ZNF782: variants seen among roughly 807,000 people sequenced by gnomAD.
ZNF782 encodes zinc finger protein 782.
Under a neutral mutation model 13.0 loss-of-function variants are expected in ZNF782, and 12 were observed. The ratio of observed to expected loss-of-function variants is 0.92; its 90% confidence interval spans 0.59 to 1.50. The LOEUF (loss-of-function observed/expected upper bound fraction) is 1.50. Among genes scored for constraint, ZNF782 ranks in the 40% most tolerant of loss-of-function variants. The pLI, the probability that ZNF782 is intolerant of heterozygous loss-of-function variation, is 0.00. For missense variants in ZNF782, 770 were observed against 822.9 expected (o/e 0.94, Z 0.79); for synonymous variants, 284 against 283.0 (o/e 1.00, Z -0.04).
the ZNF782 span, among the ~76,000 whole-genome samples, chr9:96,927,560 T>C: frequency 6.6e-6 from 1 of 152,210 alleles, no homozygotes; most frequent in South Asian, 2.1e-4. Context: ...ACTGCAAGTT[T>C]GCACTCTCAC....
At chr9:96,872,074 C>A (rs1338746172) in intron 1 of ZNF782, among the ~76,000 whole-genome samples, 1 of 152,128 alleles carries the variant, frequency 6.6e-6, no homozygotes, top group African/African-American at 2.4e-5. Flanking sequence ...TGTCCATAAA[C>A]CTTAGGAACC....
At chr9:96,831,183 G>T (rs1850788783) in intron 4 of ZNF782, among the ~76,000 whole-genome samples, 1 of 152,170 alleles carries the variant, frequency 6.6e-6, no homozygotes, top group Admixed American at 6.5e-5. Context: ...TGAGTTAAGG[G>T]ATAGTAAAAG....
chr9:96,846,226 C>T (rs531170039), intron 3 of ZNF782, among the ~76,000 whole-genome samples: 1 of 152,116 alleles, frequency 6.6e-6, no homozygotes, highest in Non-Finnish European at 1.5e-5. Flanking sequence ...GTTTGATATG[C>T]ACCAAAACAG....
chr9:96,819,356 CT>C lies in ZNF782; in HGVS notation c.666del (p.Ala223LeufsTer42). ...GQDFEYNESR[K>X]AFLEKAALVT... ...ACAAGGGCAGCCTTTTCAAGAAAAG[CT>C]TTTCTACTTTCATTATATTCAAAAT... On this transcript the variant is annotated frameshift_variant, in exon 6 of 6. Transcript: ENST00000481138. LOFTEE classifies it low-confidence loss of function (END_TRUNC). 6.2e-7 allele frequency: 1 copy of C among 1,600,284 alleles called. No individual in the cohort carries two copies. The highest frequency in any genetic ancestry group is 8.5e-7 in the Non-Finnish European group (1 of 1,175,088).
intron 4 of ZNF782, among the ~76,000 whole-genome samples, chr9:96,834,777 G>A (rs758599513): frequency 2.6e-5 from 4 of 152,226 alleles, no homozygotes; most frequent in Non-Finnish European, 5.9e-5. Context: ...GTACCAAGGA[G>A]TGGGTTGTTG....
the ZNF782 span, among the ~76,000 whole-genome samples, chr9:96,898,470 A>G: frequency 2.7e-5 from 4 of 148,876 alleles, no homozygotes; most frequent in East Asian, 2.3e-4. Context: ...TACATTGTCA[A>G]TGAAGTATCA....
chr9:96,931,620 C>A, the ZNF782 span: 4 of 1,232,008 alleles, frequency 3.2e-6, no homozygotes, highest in Non-Finnish European at 4.6e-6. Flanking sequence ...TGCAGAGTTT[C>A]CCTGTCACAT....
chr9:96,855,652 T>C (rs574980736), upstream of ZNF782, among the ~76,000 whole-genome samples: 111 of 152,344 alleles, frequency 7.3e-4, no homozygotes, highest in African/African-American at 2.6e-3. Flanking sequence ...TATCCAGTTG[T>C]TGATTGATGG....
upstream of ZNF782, chr9:96,854,520 C>T (rs2118840008): frequency 6.6e-6 from 1 of 152,452 alleles, no homozygotes; most frequent in South Asian, 2.1e-4. Context: ...GCTCTGGCTG[C>T]ACAGGCGCAG....
intron 1 of ZNF782, among the ~76,000 whole-genome samples, chr9:96,862,190 C>G (rs1851708579): frequency 6.6e-6 from 1 of 152,020 alleles, no homozygotes; most frequent in African/African-American, 2.4e-5. Flanking sequence ...TTTGTGGGAG[C>G]TAAAGTAGAA....
upstream of ZNF782, among the ~76,000 whole-genome samples, chr9:96,859,063 C>T (rs1382075715): frequency 1.4e-5 from 2 of 147,894 alleles, no homozygotes; most frequent in African/African-American, 5.3e-5. Context: ...CTAGTGCCCA[C>T]CCACAGAGGA....
the ZNF782 span, among the ~76,000 whole-genome samples, chr9:96,932,970 TTTC>T: frequency 5.7e-4 from 85 of 148,902 alleles, no homozygotes; most frequent in East Asian, 7.5e-3. Context: ...TTTCTTTTCT[TTTC>T]TTTTCTTTTT....
chr9:96,931,710 T>C, the ZNF782 span: 24 of 1,611,226 alleles, frequency 1.5e-5, 1 homozygote, highest in African/African-American at 2.4e-4. Flanking sequence ...CCTCTTTCCT[T>C]TGTCTCCACA....
chr9:96,861,079 T>A (rs1022698823), intron 2 of ZNF782, among the ~76,000 whole-genome samples: 7 of 152,146 alleles, frequency 4.6e-5, no homozygotes, highest in Admixed American at 2.6e-4. Context: ...AGTTTCTGTC[T>A]CTATTTCTTA....
At chr9:96,907,827 G>C in the ZNF782 span, among the ~76,000 whole-genome samples, 7 of 151,782 alleles carry the variant, frequency 4.6e-5, no homozygotes, top group South Asian at 1.5e-3. Flanking sequence ...TTTTAGTAGA[G>C]ATGGGGTTTC....
At chr9:96,901,552 G>C in the ZNF782 span, among the ~76,000 whole-genome samples, 1 of 152,052 alleles carries the variant, frequency 6.6e-6, no homozygotes, top group East Asian at 1.9e-4. Context: ...GATTACAGAC[G>C]TGAGCCGCTG....
chr9:96,931,577 G>A, the ZNF782 span: 2 of 692,544 alleles, frequency 2.9e-6, no homozygotes, highest in South Asian at 1.8e-5. Flanking sequence ...GAGGAACAGA[G>A]CATCTGATGC....
chr9:96,865,645 A>G (rs1851747100), intron 1 of ZNF782, among the ~76,000 whole-genome samples: 1 of 152,212 alleles, frequency 6.6e-6, no homozygotes, highest in Non-Finnish European at 1.5e-5. Context: ...TATGGAAGCA[A>G]CTTTGGAACT....
At chr9:96,930,871 G>GT in the ZNF782 span, among the ~76,000 whole-genome samples, 2 of 104,404 alleles carry the variant, frequency 1.9e-5, no homozygotes, top group Admixed American at 1.1e-4. Flanking sequence ...TCCATCCAGT[G>GT]GTTTTTTTTT....
Sources: allele counts gnomAD v4.1 joint callset (sites outside exome capture counted in the v4.1 genomes callset), GRCh38; gene constraint gnomAD v4.1.1; transcripts MANE v1.5; gene names NCBI Gene and HGNC (gene_info 2026-07-23, HGNC 2026-07-21).